The following HS3ST5 variants were observed in gnomAD, a reference collection of about 807,000 sequenced individuals.
HS3ST5 encodes heparan sulfate glucosamine 3-O-sulfotransferase 5.
Under a neutral mutation model 25.4 loss-of-function variants are expected in HS3ST5, and 10 were observed. That is an observed-to-expected ratio of 0.39 (90% CI 0.24 to 0.67). The LOEUF is 0.67. Among genes scored for constraint, HS3ST5 ranks in the 30% least tolerant of loss-of-function variants. The probability of loss-of-function intolerance (pLI) is 0.44; values close to 1 mark genes in which losing one functional copy is unlikely to be tolerated. For missense variants in HS3ST5, 324 were observed against 420.7 expected (o/e 0.77, Z 2.01); for synonymous variants, 170 against 162.4 (o/e 1.05, Z -0.36).
At chr6:114,066,261 T>A (rs11153461) in intron 3 of HS3ST5, among the ~76,000 whole-genome samples, 35,221 of 152,196 alleles carry the variant, frequency 0.23, 4,347 homozygotes, top group Non-Finnish European at 0.25. Context: ...CACAGGCCAG[T>A]GATTCTCTAT....
intron 1 of HS3ST5, among the ~76,000 whole-genome samples, chr6:114,234,892 G>T (rs1264830082): frequency 1.3e-5 from 2 of 152,054 alleles, no homozygotes; most frequent in African/African-American, 4.8e-5. Flanking sequence ...CTAAACTGAG[G>T]TGGGCAGATC....
intron 3 of HS3ST5, among the ~76,000 whole-genome samples, chr6:114,111,045 C>T (rs764256493): frequency 1.3e-5 from 2 of 152,128 alleles, no homozygotes; most frequent in African/African-American, 2.4e-5. Flanking sequence ...CTCATATTCA[C>T]CCCCAAAGTA....
chr6:114,251,714 G>A (rs1772670813), intron 1 of HS3ST5: 1 of 152,162 alleles, frequency 6.6e-6, no homozygotes, highest in African/African-American at 2.4e-5. Context: ...TGCTTGACTG[G>A]TATCTGAAAA....
chr6:114,238,007 C>T (rs1393783672), intron 1 of HS3ST5, among the ~76,000 whole-genome samples: 1 of 152,134 alleles, frequency 6.6e-6, no homozygotes, highest in East Asian at 1.9e-4. Flanking sequence ...ATTTAGAATC[C>T]TAAGCTTTTA....
At chr6:114,335,629 A>C (rs1254704747) in intron 1 of HS3ST5, among the ~76,000 whole-genome samples, 2 of 152,082 alleles carry the variant, frequency 1.3e-5, no homozygotes, top group Non-Finnish European at 2.9e-5. Context: ...ACAATGAATT[A>C]GCTGTCCCAA....
intron 2 of HS3ST5, among the ~76,000 whole-genome samples, chr6:114,193,070 C>A (rs1203960025): frequency 6.6e-6 from 1 of 152,134 alleles, no homozygotes; most frequent in Non-Finnish European, 1.5e-5. Flanking sequence ...GCTATCATCA[C>A]AGCAGTCTTT....
At chr6:114,325,171 G>T (rs1489535978) in intron 1 of HS3ST5, among the ~76,000 whole-genome samples, 11 of 152,108 alleles carry the variant, frequency 7.2e-5, no homozygotes, top group African/African-American at 2.7e-4. Flanking sequence ...AAGAAATTTG[G>T]CTTGAGGCTG....
chr6:114,322,913 C>T (rs187683046), intron 1 of HS3ST5, among the ~76,000 whole-genome samples: 2 of 152,262 alleles, frequency 1.3e-5, no homozygotes, highest in East Asian at 1.9e-4. Context: ...ATTGATTTGG[C>T]TAATAAAATG....
At chr6:114,308,994 C>A (rs921916021) in intron 1 of HS3ST5, among the ~76,000 whole-genome samples, 4 of 152,184 alleles carry the variant, frequency 2.6e-5, no homozygotes, top group African/African-American at 7.2e-5. Flanking sequence ...AAAATGAGAA[C>A]TGATCCCGTA....
intron 1 of HS3ST5, among the ~76,000 whole-genome samples, chr6:114,298,125 T>C (rs6928891): frequency 0.62 from 94,759 of 151,976 alleles, 29,796 homozygotes; most frequent in Non-Finnish European, 0.66. Flanking sequence ...AATTAAACAA[T>C]AAAAACTGGC....
At chr6:114,255,693 A>G (rs560560476) in intron 1 of HS3ST5, among the ~76,000 whole-genome samples, 1 of 152,258 alleles carries the variant, frequency 6.6e-6, no homozygotes, top group South Asian at 2.1e-4. Flanking sequence ...ATGCAGGCCC[A>G]ACACCATGTG....
At chr6:114,136,905 CA>C (rs1777645379) in intron 3 of HS3ST5, among the ~76,000 whole-genome samples, 1 of 152,078 alleles carries the variant, frequency 6.6e-6, no homozygotes, top group Admixed American at 6.6e-5. Flanking sequence ...GTTACAAAAA[CA>C]ATATTTACAG....
In HS3ST5 at chr6:114,149,755, A is replaced by G. The variant is rs563973131; in HGVS notation, c.-33+18596T>C. ...AGTAAAATTTTAAAAATTAAAAAAA[A>G]ATTTCTTAGGTCAGCACAAATTTTA... is the stretch of plus-strand genomic sequence containing the variant. On this transcript the variant is annotated intron_variant, in intron 3 of 4. Coordinates refer to ENST00000312719, the MANE Select transcript of HS3ST5 (RefSeq NM_153612.4). Among the ~76,000 whole-genome samples, 8 of 152,268 alleles carry G rather than the reference A, an allele frequency of 5.3e-5. No individual in the cohort carries two copies. The South Asian group carries it at 1.7e-3, about 32-fold the overall frequency.
chr6:114,255,576 C>T (rs914782623), intron 1 of HS3ST5, among the ~76,000 whole-genome samples: 3 of 152,274 alleles, frequency 2.0e-5, no homozygotes, highest in South Asian at 4.1e-4. Context: ...TCTGTGAGGC[C>T]CACCCCCTAC....
At position 114,173,380 on chromosome 6, in the gene HS3ST5, A is replaced by G. The variant is rs192295092; in HGVS notation, c.-144-4918T>C. ...AAAATGAGTAATTACTTAACTCATCAATAAAATATTTTTAAGCACATAATT... is the reference window on the plus strand; with the variant it reads ...AAAATGAGTAATTACTTAACTCATCGATAAAATATTTTTAAGCACATAATT... On this transcript the variant is annotated intron_variant, in intron 2 of 4. Coordinates refer to ENST00000312719, the MANE Select transcript of HS3ST5 (RefSeq NM_153612.4). Among the ~76,000 whole-genome samples the G allele has an allele frequency of 7.6e-4, 116 of 152,376 alleles. 2 individuals carry two copies. Among genetic ancestry groups the G allele is most frequent in the African/African-American group, 2.7e-3 (112 of 41,590 alleles).
chr6:114,158,770 G>A (rs944087353), intron 3 of HS3ST5, among the ~76,000 whole-genome samples: 3 of 152,170 alleles, frequency 2.0e-5, no homozygotes, highest in Non-Finnish European at 4.4e-5. Flanking sequence ...TGAAGAGAAG[G>A]CATTGCATTA....
At chr6:114,169,442 GTTC>G (rs1779367896) in intron 2 of HS3ST5, among the ~76,000 whole-genome samples, 1 of 152,078 alleles carries the variant, frequency 6.6e-6, no homozygotes, top group Non-Finnish European at 1.5e-5. Context: ...TTCCAGTTGA[GTTC>G]TTGTCAACTC....
intron 3 of HS3ST5, among the ~76,000 whole-genome samples, chr6:114,117,525 G>C (rs575732530): frequency 8.5e-5 from 13 of 152,136 alleles, no homozygotes; most frequent in Non-Finnish European, 1.8e-4. Flanking sequence ...TCCATGATGT[G>C]AAAGCACTTC....
At chr6:114,209,726 A>T (rs143848603) in intron 2 of HS3ST5, among the ~76,000 whole-genome samples, 1 of 152,250 alleles carries the variant, frequency 6.6e-6, no homozygotes, top group East Asian at 1.9e-4. Context: ...TACAACCTCA[A>T]ATATCTTGGG....
Sources: allele counts gnomAD v4.1 joint callset (sites outside exome capture counted in the v4.1 genomes callset), GRCh38; gene constraint gnomAD v4.1.1; transcripts MANE v1.5; gene names NCBI Gene and HGNC (gene_info 2026-07-23, HGNC 2026-07-21).